GLIS3: variants seen among roughly 807,000 people sequenced by gnomAD.
GLIS3 encodes GLIS family zinc finger 3, also known as zinc finger protein GLIS3.
GLIS3 carries 53 observed loss-of-function variants against 78.6 expected under a neutral mutation model. The ratio of observed to expected loss-of-function variants is 0.67; its 90% confidence interval spans 0.54 to 0.85. The LOEUF is 0.85. Ranked by LOEUF, GLIS3 falls within the 40% of genes least tolerant of loss-of-function variation. The pLI is 0.00. For missense variants in GLIS3, 1,703 were observed against 1,231.1 expected (o/e 1.38, Z -5.74); for synonymous variants, 684 against 509.9 (o/e 1.34, Z -4.60).
intron 4 of GLIS3, among the ~76,000 whole-genome samples, chr9:3,938,772 C>T (rs375271133): frequency 1.1e-4 from 17 of 152,214 alleles, no homozygotes; most frequent in East Asian, 3.9e-4. Context: ...TGAATGCTGA[C>T]GAAGCCAACT....
chr9:4,275,316 G>A (rs1187345152), intron 2 of GLIS3, among the ~76,000 whole-genome samples: 1 of 152,158 alleles, frequency 6.6e-6, no homozygotes, highest in East Asian at 1.9e-4. Flanking sequence ...AACGACAGCT[G>A]AATGGTTTGA....
intron 2 of GLIS3, among the ~76,000 whole-genome samples, chr9:4,280,755 T>C (rs1483391491): frequency 5.3e-5 from 8 of 151,906 alleles, no homozygotes; most frequent in African/African-American, 1.5e-4. Flanking sequence ...CTCCTCACTC[T>C]TCTCAGAAGG....
intron 4 of GLIS3, among the ~76,000 whole-genome samples, chr9:4,051,521 G>A (rs929236432): frequency 1.3e-5 from 2 of 152,026 alleles, no homozygotes; most frequent in African/African-American, 4.8e-5. Flanking sequence ...GTGGATCAGA[G>A]GAACTGAAAG....
intron 2 of GLIS3, among the ~76,000 whole-genome samples, chr9:4,185,739 A>G (rs1817727323): frequency 6.6e-6 from 1 of 152,234 alleles, no homozygotes; most frequent in Non-Finnish European, 1.5e-5. Context: ...GACCATGTTC[A>G]GCACAAGGCA....
intron 4 of GLIS3, among the ~76,000 whole-genome samples, chr9:4,101,143 T>C (rs1180198383): frequency 6.6e-6 from 1 of 152,222 alleles, no homozygotes; most frequent in Non-Finnish European, 1.5e-5. Context: ...TACTGGTGTA[T>C]GACCTTACAT....
intron 4 of GLIS3, among the ~76,000 whole-genome samples, chr9:4,094,993 A>G (rs1048537175): frequency 2.6e-5 from 4 of 152,326 alleles, no homozygotes; most frequent in African/African-American, 9.6e-5. Flanking sequence ...TAATTAGCAT[A>G]TCCATCACTT....
chr9:4,356,887 G>C, the GLIS3 span, among the ~76,000 whole-genome samples: 1 of 152,262 alleles, frequency 6.6e-6, no homozygotes, highest in African/African-American at 2.4e-5. Flanking sequence ...GGACTTTCAG[G>C]CAAGAGCATT....
chr9:4,213,198 G>A (rs1586995506), intron 2 of GLIS3, among the ~76,000 whole-genome samples: 2 of 152,204 alleles, frequency 1.3e-5, no homozygotes, highest in Middle Eastern at 6.8e-3. Flanking sequence ...CTGTTTCCTT[G>A]ATGTAGATAT....
the GLIS3 span, among the ~76,000 whole-genome samples, chr9:4,488,436 T>C: frequency 6.6e-6 from 1 of 152,222 alleles, no homozygotes; most frequent in African/African-American, 2.4e-5. Flanking sequence ...ATAATATATT[T>C]ACCATTCCAT....
At chr9:4,382,785 T>G in the GLIS3 span, among the ~76,000 whole-genome samples, 1 of 152,236 alleles carries the variant, frequency 6.6e-6, no homozygotes, top group African/African-American at 2.4e-5. Flanking sequence ...TTTCCATTTC[T>G]CATGTAGCTT....
At chr9:4,426,348 A>C in the GLIS3 span, among the ~76,000 whole-genome samples, 2 of 152,182 alleles carry the variant, frequency 1.3e-5, no homozygotes, top group Non-Finnish European at 2.9e-5. Flanking sequence ...TCTTCATCTG[A>C]AACTTAAGTC....
At chr9:4,389,730 C>T in the GLIS3 span, among the ~76,000 whole-genome samples, 3 of 152,110 alleles carry the variant, frequency 2.0e-5, no homozygotes, top group African/African-American at 4.8e-5. Context: ...CAGACGGCAC[C>T]GCATACAGAC....
chr9:4,012,771 T>TTC (rs1563947138), intron 4 of GLIS3, among the ~76,000 whole-genome samples: 1 of 135,124 alleles, frequency 7.4e-6, no homozygotes, highest in Non-Finnish European at 1.6e-5. Context: ...TTTTCTTTTT[T>TTC]TTTTTTTTTT....
At chr9:3,925,600 TGCGC>T (rs920613698) in intron 6 of GLIS3, among the ~76,000 whole-genome samples, 7 of 146,006 alleles carry the variant, frequency 4.8e-5, no homozygotes, top group Non-Finnish European at 7.8e-5. Context: ...TGTGTGCGTG[TGCGC>T]GCGTGTGTGT....
At chr9:4,104,057 C>G (rs1243902628) in intron 4 of GLIS3, among the ~76,000 whole-genome samples, 1 of 152,142 alleles carries the variant, frequency 6.6e-6, no homozygotes, top group Non-Finnish European at 1.5e-5. Context: ...CCAATGTTGT[C>G]ATGACTCTAC....
chr9:4,177,125 T>A (rs1356768141), intron 2 of GLIS3, among the ~76,000 whole-genome samples: 1 of 144,872 alleles, frequency 6.9e-6, no homozygotes, highest in African/African-American at 2.5e-5. Flanking sequence ...GTCAATTTGA[T>A]GAGCAAAAAC....
At chr9:4,228,314 G>T (rs1366408648) in intron 2 of GLIS3, among the ~76,000 whole-genome samples, 1 of 152,080 alleles carries the variant, frequency 6.6e-6, no homozygotes, top group Non-Finnish European at 1.5e-5. Flanking sequence ...ACTGACAAGG[G>T]AGTATAGGGG....
At chr9:4,375,192 C>T in the GLIS3 span, among the ~76,000 whole-genome samples, 2 of 152,082 alleles carry the variant, frequency 1.3e-5, no homozygotes, top group Admixed American at 6.6e-5. Context: ...TAATCAGCCT[C>T]GTTCAAAAGA....
At chr9:3,921,067 A>G (rs971886176) in intron 6 of GLIS3, among the ~76,000 whole-genome samples, 8 of 152,192 alleles carry the variant, frequency 5.3e-5, no homozygotes, top group Admixed American at 3.3e-4. Flanking sequence ...TTGTCACTGA[A>G]TCTGAAAGCA....
Sources: gnomAD v4.1 joint callset for allele counts (sites outside exome capture counted in the v4.1 genomes callset) on GRCh38, gnomAD v4.1.1 for gene constraint, MANE v1.5 for transcripts, NCBI Gene and HGNC (gene_info 2026-07-23, HGNC 2026-07-21) for gene names.